The following AMDHD2 variants were observed in gnomAD, a reference collection of about 807,000 sequenced individuals.
AMDHD2 encodes the protein N-acetylglucosamine-6-phosphate deacetylase.
In AMDHD2, 24 loss-of-function variants were observed where a neutral mutation model predicts 41.8. The ratio of observed to expected loss-of-function variants is 0.57; its 90% CI spans 0.42 to 0.81. AMDHD2 has a LOEUF of 0.81. Among genes scored for constraint, AMDHD2 ranks in the 30% least tolerant of loss-of-function variants. AMDHD2 has a pLI of 0.00. For missense variants in AMDHD2, 540 were observed against 588.5 expected, an observed-to-expected ratio of 0.92 and a Z score of 0.85; for synonymous variants, 332 against 255.5, an observed-to-expected ratio of 1.30 and a Z score of -2.85.
At position 2,529,010 on chromosome 16, in the gene AMDHD2, G is replaced by C. The variant is rs758559470; in HGVS notation, c.1056G>C (p.Ser352=). 6.3e-7 allele frequency: 1 copy of C among 1,586,678 alleles called. No homozygotes were observed. The highest frequency in any genetic ancestry group is 1.1e-5 in the South Asian group (1 of 87,226). The change falls in exon 10 of 11, where the codon TCG becomes TCC. Residue 352 remains serine (S), a synonymous_variant. Coordinates refer to ENST00000293971, the MANE Select transcript of AMDHD2 (RefSeq NM_001330449.2). ...CCCAAGCAGGCTGCAGCATGGAGTC[G>C]GCCCTGGAGGCTGCATCCCTGCACC... ...FLQATGCSME[S]ALEAASLHPA... is the part of the protein sequence containing the mutation.
Position 2,520,983 on chromosome 16 carries a change from G to A in AMDHD2, c.221-1G>A. On this transcript the variant is annotated splice_acceptor_variant, in intron 2 of 10. Coordinates refer to ENST00000293971, the MANE Select transcript of AMDHD2 (RefSeq NM_001330449.2). LOFTEE classifies it high-confidence loss of function. Reference sequence around the variant, plus strand: ...CGACACTTCCTTTTCTGTGGCTGCAGGTGGATTTGGTGTTGACTTCTCTCA... The same window carrying A: ...CGACACTTCCTTTTCTGTGGCTGCAAGTGGATTTGGTGTTGACTTCTCTCA... The A allele has an allele frequency of 1.2e-6, 2 of 1,600,298 alleles. No homozygotes were observed. The highest frequency in any genetic ancestry group is 8.5e-7 in the Non-Finnish European group (1 of 1,170,286).
chr16:2,529,254 C>T (rs953136976), intron 10 of AMDHD2, 159 bp downstream of exon 10: 1 of 1,046,852 alleles, frequency 9.6e-7, no homozygotes, highest in Non-Finnish European at 1.3e-6. Flanking sequence ...CCCCGTGTTG[C>T]CATCAGGCCG....
intron 3 of AMDHD2, among the ~76,000 whole-genome samples, chr16:2,523,385 G>A (rs1317419008): frequency 1.3e-5 from 2 of 152,112 alleles, no homozygotes; most frequent in Non-Finnish European, 2.9e-5. Flanking sequence ...CAATGGGGGT[G>A]GTGTGTGGGT....
chr16:2,530,328 G>C lies in AMDHD2; in HGVS notation c.*765G>C. ...AGTATGGGAGGCACCAGTGTGCCCT[G>C]CTCACCCCATTAGTGTCATCCTGCC... On this transcript the variant is annotated 3_prime_UTR_variant, in exon 11 of 11. Coordinates refer to ENST00000293971, the MANE Select transcript of AMDHD2 (RefSeq NM_001330449.2). The C allele has an allele frequency of 6.2e-7, 1 of 1,614,104 alleles. No individual in the cohort carries two copies. Among genetic ancestry groups the C allele is most frequent in the Non-Finnish European group, 8.5e-7 (1 of 1,180,010 alleles).
chr16:2,521,591 C>A (rs2065938095), intron 3 of AMDHD2, among the ~76,000 whole-genome samples: 1 of 152,146 alleles, frequency 6.6e-6, no homozygotes, highest in South Asian at 2.1e-4. Context: ...CTTCCATTTT[C>A]TTTCCTGCCC....
At chr16:2,525,583 C>G (rs967610881) in intron 3 of AMDHD2, among the ~76,000 whole-genome samples, 2 of 151,904 alleles carry the variant, frequency 1.3e-5, no homozygotes, top group Non-Finnish European at 2.9e-5. Context: ...CTCACTCTGT[C>G]ACCCAGGCTG....
Position 2,528,616 on chromosome 16 carries a change from G to A in AMDHD2, c.971-34G>A, listed in dbSNP as rs753259185. The A allele has an allele frequency of 2.0e-5, 33 of 1,612,766 alleles. No individual in the cohort carries two copies. Among genetic ancestry groups the A allele is most frequent in the South Asian group, 1.5e-4 (14 of 91,086 alleles). ...CCAGCCCGCATGCCAGGTGGCCCAC[G>A]ACCCCCCCAGAGCCTGCCCTCTCTG... On this transcript the variant is annotated intron_variant, in intron 8 of 10. Transcript: ENST00000293971.
At chr16:2,525,256 C>T (rs1019456080) in intron 3 of AMDHD2, among the ~76,000 whole-genome samples, 2 of 151,736 alleles carry the variant, frequency 1.3e-5, no homozygotes, top group African/African-American at 4.8e-5. Context: ...TGGGCTTGCT[C>T]CATGTTGGCA....
At chr16:2,525,601 G>C (rs2141905461) in intron 3 of AMDHD2, among the ~76,000 whole-genome samples, 1 of 152,068 alleles carries the variant, frequency 6.6e-6, no homozygotes. Flanking sequence ...CTGGAGTGCA[G>C]TGGCGCGATC....
chr16:2,528,605 A>G (rs763223156), intron 8 of AMDHD2, 45 bp from the exon 9 acceptor site: 1 of 1,612,838 alleles, frequency 6.2e-7, no homozygotes, highest in South Asian at 1.1e-5. Context: ...CCCGCATGCC[A>G]GGTGGCCCAC....
At chr16:2,524,654 C>T (rs931499442) in intron 3 of AMDHD2, among the ~76,000 whole-genome samples, 1 of 152,164 alleles carries the variant, frequency 6.6e-6, no homozygotes, top group Non-Finnish European at 1.5e-5. Flanking sequence ...AACAGCGGCC[C>T]TTTGCCCCAA....
chr16:2,529,007 G>A lies in AMDHD2; in HGVS notation c.1053G>A (p.Glu351=). ...HFLQATGCSM[E]SALEAASLHP... ...TCCCCCAAGCAGGCTGCAGCATGGA[G>A]TCGGCCCTGGAGGCTGCATCCCTGC... Residue 351 remains glutamate (E), a synonymous_variant, in exon 10 of 11, where the codon GAG becomes GAA. Coordinates refer to ENST00000293971, the MANE Select transcript of AMDHD2 (RefSeq NM_001330449.2). 2 of 1,584,928 alleles carry A rather than the reference G, an allele frequency of 1.3e-6. No individual in the cohort carries two copies. Among genetic ancestry groups the A allele is most frequent in the Non-Finnish European group, 1.7e-6 (2 of 1,166,356 alleles).
Position 2,529,542 on chromosome 16 carries a change from G to A in AMDHD2, c.1209G>A (p.Gln403=), listed in dbSNP as rs2066057237. The change falls in exon 11 of 11, where the codon CAG becomes CAA. Residue 403 remains glutamine, a synonymous_variant. Transcript: ENST00000293971. The part of the protein sequence containing the change: ...ATYISGELVW[Q]ADAARQ ...ACATCTCGGGTGAGCTGGTGTGGCAGGCGGACGCAGCTAGGCAGTGACAAG... is the reference window on the plus strand; with the variant it reads ...ACATCTCGGGTGAGCTGGTGTGGCAAGCGGACGCAGCTAGGCAGTGACAAG... 3.1e-6 allele frequency: 5 copies of A among 1,609,448 alleles called. No homozygotes were observed. The South Asian group carries it at 4.4e-5, about 14-fold the overall frequency.
rs2065923571 is a variant in AMDHD2 at position 2,520,757 on chromosome 16, C to T, written c.84-12C>T. The T allele has an allele frequency of 1.7e-5, 27 of 1,564,574 alleles. No individual in the cohort carries two copies. The highest frequency in any genetic ancestry group is 2.3e-5 in the Non-Finnish European group (27 of 1,156,618). On this transcript the variant is annotated splice_polypyrimidine_tract_variant and intron_variant, in intron 1 of 10. Transcript: ENST00000293971. The stretch of plus-strand genomic sequence containing the variant: ...GGCCCGCGATGCGAGCGCCCACCCA[C>T]TGCGTCCCCAGGGAGGATCTGTGGG...
chr16:2,530,323 GC>G lies in AMDHD2; in HGVS notation c.*763del, dbSNP rs779413182. On this transcript the variant is annotated 3_prime_UTR_variant, in exon 11 of 11. Coordinates refer to ENST00000293971, the MANE Select transcript of AMDHD2 (RefSeq NM_001330449.2). Reference sequence around the variant, plus strand: ...AGGGCAGTATGGGAGGCACCAGTGTGCCCTGCTCACCCCATTAGTGTCATCC... The same window carrying G: ...AGGGCAGTATGGGAGGCACCAGTGTGCCTGCTCACCCCATTAGTGTCATCC... 4.3e-6 allele frequency: 7 copies of G among 1,614,114 alleles called. No homozygotes were observed. The East Asian group carries it at 1.6e-4, about 36-fold the overall frequency.
rs1389635061 is a variant in AMDHD2, at chr16:2,520,487, C to T, written c.29C>T (p.Ala10Val). Residue 10 changes from alanine to valine, a missense_variant, in exon 1 of 11, where the codon GCC becomes GTC. Transcript: ENST00000293971. Reference protein sequence around the residue: MRGEQGAAGARVLQFTNCRI... With the variant: MRGEQGAAGVRVLQFTNCRI... ...CGCGGCGAGCAGGGCGCGGCGGGGG[C>T]CCGCGTGCTCCAGTTCACTAACTGC... 2.4e-6 allele frequency: 3 copies of T among 1,230,154 alleles called. No homozygotes were observed. The highest frequency in any genetic ancestry group is 4.3e-5 in the Admixed American group (1 of 23,318). The allele number at this position is 1,230,154 out of a possible 1,614,324, so 76.2% of individuals were successfully genotyped here.
Position 2,520,458 on chromosome 16 carries a change from G to T in AMDHD2, c.-1G>T. On this transcript the variant is annotated 5_prime_UTR_variant, in exon 1 of 11. Transcript: ENST00000293971. ...GCCGCTCGCTCCCGACACGGCTCAC[G>T]ATGCGCGGCGAGCAGGGCGCGGCGG... is the stretch of plus-strand genomic sequence containing the variant. 4.0e-6 allele frequency: 5 copies of T among 1,236,628 alleles called. No individual in the cohort carries two copies. The highest frequency in any genetic ancestry group is 4.1e-6 in the Non-Finnish European group (4 of 983,408). The allele number at this position is 1,236,628 out of a possible 1,614,324, so 76.6% of individuals were successfully genotyped here.
Position 2,527,433 on chromosome 16 carries a change from G to C in AMDHD2, c.361-128G>C. The C allele has an allele frequency of 1.0e-6, 1 of 958,980 alleles. No homozygotes were observed. Among genetic ancestry groups the C allele is most frequent in the East Asian group, 2.6e-5 (1 of 38,224 alleles). 59.4% of individuals were successfully genotyped at this position (958,980 alleles called of 1,614,324 possible). ...GTGCTTTCCCTGACCCCTGTGAGGGGACAGGCGGCCGGGGCTGGGCTGGGT... is the reference window on the plus strand; with the variant it reads ...GTGCTTTCCCTGACCCCTGTGAGGGCACAGGCGGCCGGGGCTGGGCTGGGT... On this transcript the variant is annotated intron_variant, in intron 3 of 10. Transcript: ENST00000293971. This position sits in a 1 kb window ranked among gnomAD's most constrained non-coding sequence, Gnocchi z 6.1.
At position 2,531,355 on chromosome 16, in the gene AMDHD2, G is replaced by A. The variant is rs1457817905; in HGVS notation, c.*1792G>A. ...TTTGAGGTGTGGGGGAAGCACTCTTGGTTGGTTTTGGTTTGCTTTTTAAAA... is the reference window on the plus strand; with the variant it reads ...TTTGAGGTGTGGGGGAAGCACTCTTAGTTGGTTTTGGTTTGCTTTTTAAAA... On this transcript the variant is annotated 3_prime_UTR_variant, in exon 11 of 11. Coordinates refer to ENST00000293971, the MANE Select transcript of AMDHD2 (RefSeq NM_001330449.2). 6 of 508,970 alleles carry A rather than the reference G, an allele frequency of 1.2e-5. No individual in the cohort carries two copies. In the East Asian group the frequency reaches 1.8e-4, roughly 15 times the overall value. The allele number at this position is 508,970 out of a possible 1,614,324, so 31.5% of individuals were successfully genotyped here.
Sources: gnomAD v4.1 joint callset for allele counts (sites outside exome capture counted in the v4.1 genomes callset) on GRCh38, gnomAD v4.1.1 for gene constraint, Gnocchi (gnomAD v3.1) non-coding constraint, MANE v1.5 for transcripts, NCBI Gene and HGNC (gene_info 2026-07-23, HGNC 2026-07-21) for gene names.